PRKCE: variants seen among roughly 807,000 people sequenced by gnomAD.
PRKCE encodes protein kinase C epsilon.
Under a neutral mutation model 85.4 loss-of-function variants are expected in PRKCE, and 16 were observed. That is an observed-to-expected ratio of 0.19 (90% CI 0.13 to 0.28). The LOEUF is 0.28. Ranked by LOEUF, PRKCE falls within the 10% of genes least tolerant of loss-of-function variation. PRKCE has a pLI of 1.00. For synonymous variants in PRKCE, 388 were observed against 371.5 expected, an observed-to-expected ratio of 1.04 and a Z score of -0.51; for missense variants, 573 against 975.2, an observed-to-expected ratio of 0.59 and a Z score of 5.49.
At chr2:46,109,383 A>G (rs911311798) in intron 11 of PRKCE, among the ~76,000 whole-genome samples, 2 of 152,146 alleles carry the variant, frequency 1.3e-5, no homozygotes, top group African/African-American at 2.4e-5. Flanking sequence ...TCAGTGGTCT[A>G]TAGTTTTCTT....
chr2:45,713,303 G>C (rs1679821304), intron 1 of PRKCE, among the ~76,000 whole-genome samples: 1 of 152,208 alleles, frequency 6.6e-6, no homozygotes, highest in Non-Finnish European at 1.5e-5. Context: ...CCACAGGAGA[G>C]CATATGCCTG....
chr2:46,085,152 G>A (rs548755405), intron 10 of PRKCE, among the ~76,000 whole-genome samples: 1 of 152,236 alleles, frequency 6.6e-6, no homozygotes, highest in Non-Finnish European at 1.5e-5. Context: ...GGTGCAAAGA[G>A]AATGTCAGTC....
intron 3 of PRKCE, among the ~76,000 whole-genome samples, chr2:45,977,215 A>G (rs536507240): frequency 9.8e-5 from 15 of 152,320 alleles, no homozygotes; most frequent in Admixed American, 7.2e-4. Flanking sequence ...GTTTTTAAAA[A>G]GAATACTTAT....
intron 2 of PRKCE, among the ~76,000 whole-genome samples, chr2:45,946,403 G>A (rs1209673935): frequency 1.3e-5 from 2 of 152,184 alleles, no homozygotes; most frequent in Non-Finnish European, 2.9e-5. Flanking sequence ...GGATGTGCTG[G>A]CTCAGCTCTT....
intron 1 of PRKCE, among the ~76,000 whole-genome samples, chr2:45,743,818 C>G (rs1288687516): frequency 5.3e-5 from 8 of 152,104 alleles, no homozygotes; most frequent in Admixed American, 2.6e-4. Flanking sequence ...GCTCTGGTTC[C>G]TACAGATGTT....
At chr2:45,733,185 C>T (rs181422387) in intron 1 of PRKCE, among the ~76,000 whole-genome samples, 306 of 152,344 alleles carry the variant, frequency 2.0e-3, no homozygotes, top group African/African-American at 7.0e-3. Context: ...ATCAGACTGA[C>T]TGCATGTGAG....
chr2:45,872,933 A>G (rs887518834), intron 2 of PRKCE, among the ~76,000 whole-genome samples: 3 of 152,184 alleles, frequency 2.0e-5, no homozygotes, highest in African/African-American at 7.2e-5. Flanking sequence ...GGAGAGCATG[A>G]CACCTGGGAG....
chr2:45,927,633 C>T (rs1698729705), intron 2 of PRKCE, among the ~76,000 whole-genome samples: 1 of 152,162 alleles, frequency 6.6e-6, no homozygotes, highest in Admixed American at 6.5e-5. Flanking sequence ...GGCTAAGGAG[C>T]ATTAGAGAAA....
chr2:46,115,801 G>A (rs1672709392), intron 11 of PRKCE, among the ~76,000 whole-genome samples: 2 of 152,138 alleles, frequency 1.3e-5, no homozygotes, highest in Non-Finnish European at 2.9e-5. Flanking sequence ...CATCACAGAG[G>A]GTACCAGGTA....
At chr2:45,975,204 G>T (rs1386068975) in intron 2 of PRKCE, among the ~76,000 whole-genome samples, 1 of 152,150 alleles carries the variant, frequency 6.6e-6, no homozygotes, top group Non-Finnish European at 1.5e-5. Flanking sequence ...TGTTTCGAGG[G>T]TTCATTGAGA....
At chr2:46,144,943 C>A in intron 11 of PRKCE, 150 bp from the exon 12 acceptor site, 1 of 1,146,126 alleles carries the variant, frequency 8.7e-7, no homozygotes, top group Non-Finnish European at 1.2e-6. Context: ...GAGAGAGAGC[C>A]CCTGGACTGA....
chr2:45,987,596 T>TC (rs1703440389), intron 6 of PRKCE, among the ~76,000 whole-genome samples: 1 of 149,100 alleles, frequency 6.7e-6, no homozygotes. Flanking sequence ...ACACATGGCC[T>TC]CCCCCCACCA....
At chr2:45,767,658 GA>G (rs1175629080) in intron 1 of PRKCE, among the ~76,000 whole-genome samples, 1 of 152,208 alleles carries the variant, frequency 6.6e-6, no homozygotes, top group African/African-American at 2.4e-5. Flanking sequence ...AGGATCAAAG[GA>G]ACGGCCTTAC....
intron 6 of PRKCE, among the ~76,000 whole-genome samples, chr2:45,987,216 C>T (rs1325088147): frequency 2.0e-5 from 3 of 151,994 alleles, no homozygotes; most frequent in Admixed American, 6.6e-5. Flanking sequence ...TCTTGTTGGG[C>T]AGGAAATGCT....
chr2:45,750,466 G>T (rs998618628), intron 1 of PRKCE, among the ~76,000 whole-genome samples: 12 of 152,174 alleles, frequency 7.9e-5, no homozygotes, highest in African/African-American at 2.9e-4. Context: ...TTGCCTTGGT[G>T]TAGAGCTGTG....
At chr2:45,802,407 A>G (rs1460206333) in intron 1 of PRKCE, among the ~76,000 whole-genome samples, 1 of 151,630 alleles carries the variant, frequency 6.6e-6, no homozygotes, top group Admixed American at 6.6e-5. Flanking sequence ...TTTTTTCTTT[A>G]TTAATGATGC....
chr2:45,681,288 C>CAAAAAA lies in PRKCE; in HGVS notation c.348+28865_348+28870dup, dbSNP rs10532828. The stretch of plus-strand genomic sequence containing the variant: ...TGGGAGACAGAGCAAGACTCTGTCT[C>CAAAAAA]AAAAAAAAAAAAAAAAAAAAAAAAA... On this transcript the variant is annotated intron_variant, in intron 1 of 14. Transcript: ENST00000306156. Among the ~76,000 whole-genome samples, 44 of 61,780 alleles carry CAAAAAA rather than the reference C, an allele frequency of 7.1e-4. 3 individuals carry two copies. The highest frequency in any genetic ancestry group is 1.8e-3 in the African/African-American group (24 of 13,066). The allele number at this position is 61,780 out of a possible 152,430, so 40.5% of individuals were successfully genotyped here.
At chr2:45,991,142 G>A (rs1022664400) in intron 6 of PRKCE, among the ~76,000 whole-genome samples, 3 of 151,938 alleles carry the variant, frequency 2.0e-5, no homozygotes, top group Non-Finnish European at 4.4e-5. Context: ...AAGTAGCTGG[G>A]ATTACAGGCA....
chr2:45,953,598 C>A (rs979822794), intron 2 of PRKCE, among the ~76,000 whole-genome samples: 1 of 152,200 alleles, frequency 6.6e-6, no homozygotes, highest in Non-Finnish European at 1.5e-5. Context: ...AAGTCACCGG[C>A]TTGATCAGTG....
Sources: gnomAD v4.1 joint callset for allele counts (sites outside exome capture counted in the v4.1 genomes callset) on GRCh38, gnomAD v4.1.1 for gene constraint, MANE v1.5 for transcripts, NCBI Gene and HGNC (gene_info 2026-07-23, HGNC 2026-07-21) for gene names.